Variants in KCTD16 observed in about 807,000 individuals in gnomAD.
KCTD16 encodes the protein BTB/POZ domain-containing protein KCTD16.
A neutral mutation model predicts 33.2 loss-of-function variants in KCTD16; 13 were observed. That is an observed-to-expected ratio of 0.39 (90% confidence interval 0.25 to 0.62). KCTD16 has a LOEUF of 0.62. Among genes scored for constraint, KCTD16 ranks in the 20% least tolerant of loss-of-function variants. The pLI is 0.50. For missense variants in KCTD16, 441 were observed against 525.1 expected (o/e 0.84, Z 1.57); for synonymous variants, 197 against 195.3 (o/e 1.01, Z -0.07).
At chr5:144,179,153 ACTTGACATTT>A (rs1752567407) in intron 2 of KCTD16, among the ~76,000 whole-genome samples, 1 of 152,158 alleles carries the variant, frequency 6.6e-6, no homozygotes, top group South Asian at 2.1e-4. Flanking sequence ...GCATGTGTTG[ACTTGACATTT>A]CTGACCCTCA....
At chr5:144,308,518 T>G (rs1407032551) in intron 3 of KCTD16, among the ~76,000 whole-genome samples, 1 of 152,216 alleles carries the variant, frequency 6.6e-6, no homozygotes, top group African/African-American at 2.4e-5. Flanking sequence ...CAGGCTGACA[T>G]TACCTCAACA....
intron 3 of KCTD16, among the ~76,000 whole-genome samples, chr5:144,296,051 T>C (rs1348741896): frequency 1.3e-5 from 2 of 152,202 alleles, no homozygotes; most frequent in Non-Finnish European, 2.9e-5. Context: ...AATGTAGCAA[T>C]AGAAAACTAA....
chr5:144,349,763 C>G (rs77084704), intron 3 of KCTD16, among the ~76,000 whole-genome samples: 1 of 152,148 alleles, frequency 6.6e-6, no homozygotes, highest in Non-Finnish European at 1.5e-5. Flanking sequence ...GCTGCCATCC[C>G]CACTTGAGCC....
chr5:144,436,554 T>C (rs1753582796), intron 3 of KCTD16, among the ~76,000 whole-genome samples: 1 of 152,008 alleles, frequency 6.6e-6, no homozygotes. Flanking sequence ...TTTTGCCAAC[T>C]ACTTCCTAGA....
intron 3 of KCTD16, among the ~76,000 whole-genome samples, chr5:144,299,125 TATATATATATATATATATATA>T (rs1381520053): frequency 1.7e-4 from 4 of 24,148 alleles, no homozygotes; most frequent in Admixed American, 4.3e-4. Context: ...TATATATATA[TATATATATATATATATATATA>T]TATTTTTTTT....
intron 3 of KCTD16, among the ~76,000 whole-genome samples, chr5:144,444,211 T>G (rs73792029): frequency 1.7e-4 from 13 of 77,048 alleles, no homozygotes; most frequent in African/African-American, 5.0e-4. Flanking sequence ...CCCTCCCCCC[T>G]CCACACACAA....
intron 3 of KCTD16, among the ~76,000 whole-genome samples, chr5:144,351,242 G>T (rs1285110346): frequency 6.6e-6 from 1 of 152,086 alleles, no homozygotes; most frequent in Non-Finnish European, 1.5e-5. Context: ...TTGTGAAGGT[G>T]CTAACAGATT....
intron 3 of KCTD16, among the ~76,000 whole-genome samples, chr5:144,278,697 C>T (rs2126852929): frequency 6.6e-6 from 1 of 151,758 alleles, no homozygotes; most frequent in African/African-American, 2.4e-5. Context: ...CGGGGTTTCA[C>T]CTTGTTAGCC....
In KCTD16 at chr5:144,216,800, C is replaced by T. The variant is rs139472424; in HGVS notation, c.832+9254C>T. Reference sequence around the variant, plus strand: ...TGGAGGTTGCAGTGAGCCGTCATCACGCCACTGCACCCCAGCCTAGGCCAC... The same window carrying T: ...TGGAGGTTGCAGTGAGCCGTCATCATGCCACTGCACCCCAGCCTAGGCCAC... On this transcript the variant is annotated intron_variant, in intron 3 of 3. Transcript: ENST00000512467. Among the ~76,000 whole-genome samples the T allele has an allele frequency of 3.2e-3, 483 of 150,438 alleles. 1 individual carries two copies. The highest frequency in any genetic ancestry group is 0.011 in the African/African-American group (450 of 40,892).
At chr5:144,208,819 A>G (rs1753274102) in intron 3 of KCTD16, among the ~76,000 whole-genome samples, 1 of 152,250 alleles carries the variant, frequency 6.6e-6, no homozygotes, top group Non-Finnish European at 1.5e-5. Context: ...AAAAAACGAA[A>G]TCAGTAATCA....
chr5:144,442,724 A>T (rs1238894060), intron 3 of KCTD16, among the ~76,000 whole-genome samples: 1 of 151,970 alleles, frequency 6.6e-6, no homozygotes, highest in Non-Finnish European at 1.5e-5. Flanking sequence ...TTAGGTATCA[A>T]ACTCTCCACT....
intron 3 of KCTD16, among the ~76,000 whole-genome samples, chr5:144,473,382 T>C (rs1456761712): frequency 1.3e-5 from 2 of 152,154 alleles, no homozygotes; most frequent in African/African-American, 2.4e-5. Flanking sequence ...GCTTAATAAA[T>C]GATGTTAGCT....
At chr5:144,197,025 T>A (rs1041800689) in intron 2 of KCTD16, among the ~76,000 whole-genome samples, 1 of 152,212 alleles carries the variant, frequency 6.6e-6, no homozygotes, top group Non-Finnish European at 1.5e-5. Flanking sequence ...CCGGTATGTG[T>A]GTCTATGTAG....
At chr5:144,224,899 A>G (rs982478712) in intron 3 of KCTD16, among the ~76,000 whole-genome samples, 2 of 152,212 alleles carry the variant, frequency 1.3e-5, no homozygotes, top group African/African-American at 4.8e-5. Flanking sequence ...AACCAAGATC[A>G]TACTCTTAGG....
chr5:144,295,707 C>G (rs1756016907), intron 3 of KCTD16, among the ~76,000 whole-genome samples: 1 of 152,184 alleles, frequency 6.6e-6, no homozygotes, highest in Middle Eastern at 3.2e-3. Flanking sequence ...AGGGTACAGA[C>G]TTCTAGATAG....
At chr5:144,458,898 C>T (rs1161400814) in intron 3 of KCTD16, among the ~76,000 whole-genome samples, 1 of 152,174 alleles carries the variant, frequency 6.6e-6, no homozygotes, top group Admixed American at 6.5e-5. Flanking sequence ...AAAGTGAAGA[C>T]AGCACATGGG....
At chr5:144,293,340 T>C (rs1275124956) in intron 3 of KCTD16, among the ~76,000 whole-genome samples, 3 of 152,244 alleles carry the variant, frequency 2.0e-5, no homozygotes, top group African/African-American at 7.2e-5. Context: ...CTGTTGTGAA[T>C]GTTTAAGGAA....
intron 3 of KCTD16, among the ~76,000 whole-genome samples, chr5:144,426,447 C>T (rs1413885487): frequency 6.6e-6 from 1 of 152,092 alleles, no homozygotes; most frequent in Non-Finnish European, 1.5e-5. Context: ...AAAATACAGG[C>T]TTTTTCTAGC....
rs149639034 is a variant in KCTD16 at position 144,472,091 on chromosome 5, C to T, written c.833-1569C>T. ...TATATTAGAAATGGCAATAAGGTAA[C>T]ATCCTGTATAATGTGACCTATTATT... On this transcript the variant is annotated intron_variant, in intron 3 of 3. Transcript: ENST00000512467. Among the ~76,000 whole-genome samples the T allele has an allele frequency of 5.0e-4, 76 of 152,292 alleles. 2 individuals are homozygous for T. The East Asian group carries it at 0.01, about 20-fold the overall frequency.
Sources: allele counts gnomAD v4.1 joint callset (sites outside exome capture counted in the v4.1 genomes callset), GRCh38; gene constraint gnomAD v4.1.1; transcripts MANE v1.5; gene names NCBI Gene and HGNC (gene_info 2026-07-23, HGNC 2026-07-21).